Variants in TBX15 observed in about 807,000 individuals in gnomAD.
The protein encoded by TBX15 is T-box transcription factor TBX15.
Under a neutral mutation model 53.9 loss-of-function variants are expected in TBX15, and 18 were observed. That is an observed-to-expected ratio of 0.33 (90% CI 0.23 to 0.49). The LOEUF is 0.49. Among genes scored for constraint, TBX15 ranks in the 20% least tolerant of loss-of-function variants. TBX15 has a pLI of 0.98. For synonymous variants in TBX15, 295 were observed against 278.0 expected (o/e 1.06, Z -0.61); for missense variants, 692 against 749.5 (o/e 0.92, Z 0.90).
upstream of TBX15, chr1:118,989,369 C>G (rs1557913412): frequency 6.6e-6 from 1 of 152,206 alleles, no homozygotes; most frequent in Non-Finnish European, 1.5e-5. Context: ...TCCCAAGTTA[C>G]GCCACCGGTC....
intron 3 of TBX15, among the ~76,000 whole-genome samples, chr1:118,926,017 C>T (rs1655584651): frequency 6.6e-6 from 1 of 152,094 alleles, no homozygotes; most frequent in South Asian, 2.1e-4. Context: ...CACTCACAAC[C>T]CATATCAATG....
chr1:118,887,210 A>T lies in TBX15; in HGVS notation c.1025-1694T>A, dbSNP rs529474792. ...CTTCCTCCTTCACAGCAAGGTTAGG[A>T]GTTTCCCAGCATTGTCAAGAGCTGT... On this transcript the variant is annotated intron_variant, in intron 7 of 7. Transcript: ENST00000369429. 1.1e-4 allele frequency among the ~76,000 whole-genome samples: 16 copies of T among 152,294 alleles called. No homozygotes were observed. In the East Asian group the frequency reaches 1.5e-3, roughly 15 times the overall value.
In TBX15 at chr1:118,934,512, C is replaced by G. The variant is rs189816450; in HGVS notation, c.206-2680G>C. ...CAGAATCCAAGACCTTAAGAAATTT[C>G]CCAGTTAGTGTTGATTAATTATGTG... is the stretch of plus-strand genomic sequence containing the variant. On this transcript the variant is annotated intron_variant, in intron 1 of 7. Coordinates refer to ENST00000369429, the MANE Select transcript of TBX15 (RefSeq NM_001330677.2). 2.3e-3 allele frequency among the ~76,000 whole-genome samples: 344 copies of G among 152,280 alleles called. 1 individual carries two copies. Among genetic ancestry groups the G allele is most frequent in the African/African-American group, 7.7e-3 (318 of 41,556 alleles).
intron 1 of TBX15, among the ~76,000 whole-genome samples, chr1:118,978,037 T>C (rs1316119175): frequency 6.6e-6 from 1 of 152,226 alleles, no homozygotes; most frequent in Non-Finnish European, 1.5e-5. Flanking sequence ...ACAGAAAATG[T>C]TCAAAGCATA....
rs536730716 is a variant in TBX15 at position 118,953,364 on chromosome 1, G to T, written c.206-21532C>A. ...ATAAGAAGAGATTAAATAGAATCTT[G>T]GCGAATTCCAACTGCTCCACATCCC... is the stretch of plus-strand genomic sequence containing the variant. On this transcript the variant is annotated intron_variant, in intron 1 of 7. Transcript: ENST00000369429. Among the ~76,000 whole-genome samples the T allele has an allele frequency of 3.9e-5, 6 of 152,254 alleles. No individual in the cohort carries two copies. In the East Asian group the frequency reaches 9.6e-4, roughly 24 times the overall value.
chr1:118,957,140 A>C (rs990212282), intron 1 of TBX15, among the ~76,000 whole-genome samples: 2 of 152,230 alleles, frequency 1.3e-5, no homozygotes, highest in East Asian at 1.9e-4. Context: ...TATTTAACTA[A>C]TTATTGTAAT....
At chr1:118,978,508 A>G (rs534283171) in intron 1 of TBX15, among the ~76,000 whole-genome samples, 31 of 152,332 alleles carry the variant, frequency 2.0e-4, no homozygotes, top group African/African-American at 7.0e-4. Flanking sequence ...AACAATTTTG[A>G]AACTTTTTTT....
intron 7 of TBX15, among the ~76,000 whole-genome samples, chr1:118,894,853 C>G (rs1032247434): frequency 6.6e-6 from 1 of 152,116 alleles, no homozygotes; most frequent in Non-Finnish European, 1.5e-5. Context: ...GCTCCCTACC[C>G]CCTATCAGGA....
chr1:118,884,824 G>A lies in TBX15; in HGVS notation c.1717C>T (p.Pro573Ser). ...EHSMHMISPS[P>S]NNQQATNTCD... ...GTGTTGGTTGCCTGTTGGTTATTGG[G>A]TGAAGGGCTAATCATGTGCATGCTG... The change falls in exon 8 of 8, where the codon CCC becomes TCC. Residue 573 changes from proline to serine, a missense_variant. Coordinates refer to ENST00000369429, the MANE Select transcript of TBX15 (RefSeq NM_001330677.2). 2 of 1,614,156 alleles carry A rather than the reference G, an allele frequency of 1.2e-6. No individual in the cohort carries two copies. The highest frequency in any genetic ancestry group is 1.1e-5 in the South Asian group (1 of 91,076).
chr1:118,976,592 T>C (rs749562393), intron 1 of TBX15, among the ~76,000 whole-genome samples: 4 of 152,196 alleles, frequency 2.6e-5, no homozygotes, highest in Admixed American at 6.5e-5. Context: ...GCTGAGCTCC[T>C]GGGGAAGTTG....
chr1:118,943,862 C>G (rs951030875), intron 1 of TBX15, among the ~76,000 whole-genome samples: 4 of 152,126 alleles, frequency 2.6e-5, no homozygotes, highest in African/African-American at 9.7e-5. Flanking sequence ...CATTTTAACC[C>G]TATTTTGAGA....
chr1:118,971,088 C>T (rs190060661), intron 1 of TBX15, among the ~76,000 whole-genome samples: 100 of 152,234 alleles, frequency 6.6e-4, no homozygotes, highest in African/African-American at 2.3e-3. Flanking sequence ...ACAGAGGCTG[C>T]CGTGGTCACA....
At chr1:118,984,634 G>T (rs1657768121) in intron 1 of TBX15, among the ~76,000 whole-genome samples, 1 of 152,250 alleles carries the variant, frequency 6.6e-6, no homozygotes, top group African/African-American at 2.4e-5. Flanking sequence ...GCTCCTCCGA[G>T]GCTGGTCTTG....
At chr1:118,941,947 T>A (rs1656189371) in intron 1 of TBX15, among the ~76,000 whole-genome samples, 1 of 152,230 alleles carries the variant, frequency 6.6e-6, no homozygotes, top group African/African-American at 2.4e-5. Flanking sequence ...GTATCTACTT[T>A]GTGAAACTTT....
Position 118,891,615 on chromosome 1 carries a change from A to C in TBX15, c.1025-6099T>G, listed in dbSNP as rs370842637. ...AATTAAAATGGAGATGACTCAATTAAAGACAATTATACTCAATGAGATTTT... is the reference window on the plus strand; with the variant it reads ...AATTAAAATGGAGATGACTCAATTACAGACAATTATACTCAATGAGATTTT... On this transcript the variant is annotated intron_variant, in intron 7 of 7. Coordinates refer to ENST00000369429, the MANE Select transcript of TBX15 (RefSeq NM_001330677.2). 9.2e-5 allele frequency among the ~76,000 whole-genome samples: 14 copies of C among 152,310 alleles called. No homozygotes were observed. In the South Asian group the frequency reaches 2.9e-3, roughly 32 times the overall value.
chr1:118,945,309 C>T lies in TBX15; in HGVS notation c.206-13477G>A, dbSNP rs543847329. On this transcript the variant is annotated intron_variant, in intron 1 of 7. Transcript: ENST00000369429. The stretch of plus-strand genomic sequence containing the variant: ...GTCTTTAAAGCAGCATACTACAGTC[C>T]CCCCAAAATTGTAAGTTAACTCTGA... Among the ~76,000 whole-genome samples the T allele has an allele frequency of 2.6e-5, 4 of 152,038 alleles. No homozygotes were observed. In the South Asian group the frequency reaches 8.3e-4, roughly 32 times the overall value.
intron 1 of TBX15, among the ~76,000 whole-genome samples, chr1:118,970,237 C>T (rs1013301649): frequency 2.0e-5 from 3 of 152,206 alleles, no homozygotes; most frequent in Non-Finnish European, 4.4e-5. Context: ...TGAGAATGGA[C>T]TAGTACAGCC....
chr1:118,984,696 T>C (rs1191659945), intron 1 of TBX15, among the ~76,000 whole-genome samples: 2 of 152,216 alleles, frequency 1.3e-5, no homozygotes, highest in African/African-American at 2.4e-5. Flanking sequence ...GGCGTAGGTA[T>C]GACAGTGAGG....
Position 118,890,295 on chromosome 1 carries a change from A to T in TBX15, c.1025-4779T>A, listed in dbSNP as rs146331501. Among the ~76,000 whole-genome samples the T allele has an allele frequency of 3.3e-4, 49 of 150,676 alleles. No individual in the cohort carries two copies. In the East Asian group the frequency reaches 9.0e-3, roughly 28 times the overall value. On this transcript the variant is annotated intron_variant, in intron 7 of 7. Transcript: ENST00000369429. ...TGCCCGTGTCTCCATCTTTCCTCAA[A>T]TGAAGCAAAGTGGGATTGACAGAAC...
Sources: gnomAD v4.1 joint callset for allele counts (sites outside exome capture counted in the v4.1 genomes callset) on GRCh38, gnomAD v4.1.1 for gene constraint, MANE v1.5 for transcripts, NCBI Gene and HGNC (gene_info 2026-07-23, HGNC 2026-07-21) for gene names.